The following SYTL4 variants were observed in gnomAD, a reference collection of about 807,000 sequenced individuals.
The protein encoded by SYTL4 is synaptotagmin like 4, also known as synaptotagmin-like protein 4.
Under a neutral mutation model 52.7 loss-of-function variants are expected in SYTL4, and 16 were observed. That is an observed-to-expected ratio of 0.30 (90% confidence interval 0.21 to 0.46). The LOEUF (loss-of-function observed/expected upper bound fraction) is 0.46. Among genes scored for constraint, SYTL4 ranks in the 20% least tolerant of loss-of-function variants. The pLI is 1.00. For missense variants in SYTL4, 423 were observed against 519.9 expected (o/e 0.81, Z 1.81); for synonymous variants, 160 against 186.6 (o/e 0.86, Z 1.16).
At chrX:100,694,863 C>T (rs991274475) in intron 8 of SYTL4, among the ~76,000 whole-genome samples, 3 of 112,021 alleles carry the variant, frequency 2.7e-5, no homozygotes, top group African/African-American at 9.7e-5. Flanking sequence ...TTTGACAGTT[C>T]TGTGAAAACA....
At chrX:100,698,164 G>A (rs2083745009) in intron 8 of SYTL4, among the ~76,000 whole-genome samples, 1 of 110,721 alleles carries the variant, frequency 9.0e-6, no homozygotes, top group Non-Finnish European at 1.9e-5. Context: ...GTGCAGTGGA[G>A]CAATCTTGGC....
intron 2 of SYTL4, among the ~76,000 whole-genome samples, chrX:100,728,166 G>T (rs1355469159): frequency 9.0e-6 from 1 of 111,707 alleles, no homozygotes; most frequent in Non-Finnish European, 1.9e-5. Flanking sequence ...AAATTTAGTA[G>T]AAAAAGAAGC....
intron 9 of SYTL4, 37 bp downstream of exon 9, chrX:100,691,071 G>T: frequency 9.6e-7 from 1 of 1,040,690 alleles, no homozygotes; most frequent in Non-Finnish European, 1.3e-6. Flanking sequence ...TCACAACTTG[G>T]GTTGAGAGGA....
chrX:100,701,732 G>A, intron 5 of SYTL4, 59 bp from the exon 6 acceptor site: 1 of 1,063,238 alleles, frequency 9.4e-7, no homozygotes, highest in Non-Finnish European at 1.3e-6. Context: ...ATTGGATGGA[G>A]AGGGGTTGAG....
intron 2 of SYTL4, among the ~76,000 whole-genome samples, chrX:100,716,546 TAAAAAAA>T (rs751442914): frequency 4.6e-5 from 2 of 43,321 alleles, no homozygotes; most frequent in Non-Finnish European, 9.7e-5. Flanking sequence ...CTGCAAAACT[TAAAAAAA>T]AAAAAAAAAA....
chrX:100,700,438 T>C (rs953981988), intron 8 of SYTL4, among the ~76,000 whole-genome samples: 2 of 112,078 alleles, frequency 1.8e-5, no homozygotes, highest in African/African-American at 6.5e-5. Flanking sequence ...TTAAATAGGA[T>C]GATTTTAATT....
chrX:100,698,878 A>G (rs2083772839), intron 8 of SYTL4, among the ~76,000 whole-genome samples: 1 of 112,436 alleles, frequency 8.9e-6, no homozygotes, highest in Non-Finnish European at 1.9e-5. Flanking sequence ...ATATAAGAGA[A>G]TGTAAATATT....
intron 2 of SYTL4, among the ~76,000 whole-genome samples, chrX:100,711,413 T>TA (rs2084065407): frequency 9.0e-6 from 1 of 111,296 alleles, no homozygotes; most frequent in African/African-American, 3.3e-5. Context: ...ATCAAAGCAG[T>TA]TATTATAACT....
chrX:100,688,496 C>T, intron 12 of SYTL4, 53 bp from the exon 13 acceptor site: 1 of 992,825 alleles, frequency 1.0e-6, no homozygotes, highest in Non-Finnish European at 1.4e-6. Flanking sequence ...TTTTCTTTAG[C>T]TTCAAAGACT....
chrX:100,709,003 A>C (rs749634612), intron 2 of SYTL4, among the ~76,000 whole-genome samples: 5 of 112,278 alleles, frequency 4.5e-5, no homozygotes, highest in Non-Finnish European at 9.4e-5. Flanking sequence ...CTATATCTGG[A>C]TATCATAGCC....
Position 100,715,945 on chromosome X carries a change from CAA to C in SYTL4, c.-239-11061_-239-11060del, listed in dbSNP as rs769194042. 3.0e-3 allele frequency among the ~76,000 whole-genome samples: 159 copies of C among 53,570 alleles called. 1 individual carries two copies. The highest frequency in any genetic ancestry group is 7.1e-3 in the African/African-American group (126 of 17,660). The allele number at this position is 53,570 out of a possible 115,157, so 46.5% of individuals were successfully genotyped here. On this transcript the variant is annotated intron_variant, in intron 2 of 19. Coordinates refer to ENST00000372989, the MANE Select transcript of SYTL4 (RefSeq NM_001370165.1). Reference sequence around the variant, plus strand: ...AGAATAAGACCTTTTCTCTCTCTCTCAAAAAAAAAAAAAAAAAAAAAAGTGGA... The same window carrying C: ...AGAATAAGACCTTTTCTCTCTCTCTCAAAAAAAAAAAAAAAAAAAAGTGGA...
intron 8 of SYTL4, among the ~76,000 whole-genome samples, chrX:100,697,140 G>A (rs2083721921): frequency 8.9e-6 from 1 of 111,957 alleles, no homozygotes; most frequent in Non-Finnish European, 1.9e-5. Context: ...AACAGAGACA[G>A]ACAAGACTGA....
At chrX:100,716,533 G>A (rs1291571029) in intron 2 of SYTL4, among the ~76,000 whole-genome samples, 22 of 91,150 alleles carry the variant, frequency 2.4e-4, no homozygotes, top group Admixed American at 1.2e-4. Flanking sequence ...AGTATATGGT[G>A]GTCTGCAAAA....
chrX:100,729,527 C>T (rs1418774348), intron 2 of SYTL4, among the ~76,000 whole-genome samples: 1 of 111,247 alleles, frequency 9.0e-6, no homozygotes, highest in Non-Finnish European at 1.9e-5. Context: ...AAGGTGTCTT[C>T]TGTACCTCAA....
intron 2 of SYTL4, among the ~76,000 whole-genome samples, chrX:100,724,510 A>G (rs1168366167): frequency 9.5e-6 from 1 of 105,098 alleles, no homozygotes; most frequent in East Asian, 3.1e-4. Flanking sequence ...GAGACTTTTC[A>G]TTTTGTGCTG....
At position 100,679,405 on chromosome X, in the gene SYTL4, A is replaced by G; in HGVS notation, c.1566T>C (p.Gly522=). ...PVGGDRKKSK[G]GEGGELQVWI... ...ACACCTGGAGCTCTCCCCCTTCCCC[A>G]CCTTTACCTGTAAGGGATGTCAGCC... Residue 522 remains glycine, a synonymous_variant, in exon 18 of 20, where the codon GGT becomes GGC. Transcript: ENST00000372989. 5 of 1,201,612 alleles carry G rather than the reference A, an allele frequency of 4.2e-6. No individual in the cohort carries two copies. Among genetic ancestry groups the G allele is most frequent in the Non-Finnish European group, 5.6e-6 (5 of 887,627 alleles).
At chrX:100,708,987 T>C (rs2084012273) in intron 2 of SYTL4, among the ~76,000 whole-genome samples, 1 of 111,905 alleles carries the variant, frequency 8.9e-6, no homozygotes, top group African/African-American at 3.2e-5. Context: ...TCTTTGAAGG[T>C]AGGTACTATA....
chrX:100,713,258 A>G (rs1248582982), intron 2 of SYTL4, among the ~76,000 whole-genome samples: 1 of 111,830 alleles, frequency 8.9e-6, no homozygotes, highest in East Asian at 2.8e-4. Context: ...CAGCCGATCA[A>G]CATGGTGAAA....
chrX:100,694,378 C>G (rs2147737078), intron 8 of SYTL4, among the ~76,000 whole-genome samples: 1 of 111,227 alleles, frequency 9.0e-6, no homozygotes, highest in African/African-American at 3.3e-5. Flanking sequence ...CTCAAAAGTG[C>G]CAAACAAAAT....
Sources: allele counts gnomAD v4.1 joint callset (sites outside exome capture counted in the v4.1 genomes callset), GRCh38; gene constraint gnomAD v4.1.1; transcripts MANE v1.5; gene names NCBI Gene and HGNC (gene_info 2026-07-23, HGNC 2026-07-21).